The following RNF31 variants were observed in gnomAD, a reference collection of about 807,000 sequenced individuals.
The protein encoded by RNF31 is ring finger protein 31, also known as E3 ubiquitin-protein ligase RNF31.
RNF31 carries 38 observed loss-of-function variants against 133.6 expected under a neutral mutation model. The ratio of observed to expected loss-of-function variants is 0.28; its 90% confidence interval spans 0.22 to 0.37. The LOEUF is 0.37. Ranked by LOEUF, RNF31 falls within the 10% of genes least tolerant of loss-of-function variation. RNF31 has a pLI of 1.00. For missense variants in RNF31, 1,118 were observed against 1,394.1 expected, an observed-to-expected ratio of 0.80 and a Z score of 3.15; for synonymous variants, 582 against 552.3, an observed-to-expected ratio of 1.05 and a Z score of -0.75.
At chr14:24,153,125 T>TGA (rs892418273) in intron 11 of RNF31, among the ~76,000 whole-genome samples, 43 of 151,550 alleles carry the variant, frequency 2.8e-4, no homozygotes, top group Non-Finnish European at 5.3e-4. Flanking sequence ...TGTGTGTGTG[T>TGA]GACAGTGCTA....
rs769919004 is a variant in RNF31 at position 24,147,905 on chromosome 14, C to T, written c.192+15C>T. The stretch of plus-strand genomic sequence containing the variant: ...CTCATGGGGAGGTGAGGCCCGGCCC[C>T]GCTTGGAAGGGGGACACCAGGGCCT... On this transcript the variant is annotated intron_variant, in intron 1 of 20. Transcript: ENST00000324103. 30 of 1,612,466 alleles carry T rather than the reference C, an allele frequency of 1.9e-5. 1 individual carries two copies. The East Asian group carries it at 6.7e-4, about 36-fold the overall frequency.
chr14:24,159,840 G>T (rs1404757348), intron 18 of RNF31, 24 bp from the exon 19 acceptor site: 1 of 1,596,648 alleles, frequency 6.3e-7, no homozygotes, highest in South Asian at 1.1e-5. Context: ...CCCAACAGAG[G>T]CTCCCTTCTT....
chr14:24,159,928 G>A lies in RNF31; in HGVS notation c.2964G>A (p.Lys988=). The A allele has an allele frequency of 6.2e-7, 1 of 1,614,078 alleles. No individual in the cohort carries two copies. Residue 988 remains lysine, a synonymous_variant, in exon 19 of 21, where the codon AAG becomes AAA. Coordinates refer to ENST00000324103, the MANE Select transcript of RNF31 (RefSeq NM_017999.5). The part of the protein sequence containing the change: ...PNGLRDEACG[K]ETPAGYAGLC... ...GGCTCAGGGACGAAGCTTGTGGCAA[G>A]GAAACTCCAGCTGGCTATGCCGGCC...
In RNF31 at chr14:24,151,485, G is replaced by T; in HGVS notation, c.1738G>T (p.Val580Leu). Residue 580 changes from valine (V) to leucine (L), a missense_variant and splice_region_variant, in exon 10 of 21, where the codon GTG becomes TTG. Transcript: ENST00000324103. This position sits in a 1 kb window ranked among gnomAD's most constrained non-coding sequence, Gnocchi z 5.3. ...CCCCCTTGCCACTCCCATCTTGCAG[G>T]TGCAGGAGCTCCAGTCTCTAGGCTT... ...EECVRTRRRK[V>L]QELQSLGFGP... 1 of 1,614,094 alleles carries T rather than the reference G, an allele frequency of 6.2e-7. No individual in the cohort carries two copies. Among genetic ancestry groups the T allele is most frequent in the Non-Finnish European group, 8.5e-7 (1 of 1,179,942 alleles).
Position 24,155,585 on chromosome 14 carries a change from A to T in RNF31, c.2404-18A>T, listed in dbSNP as rs559175212. The stretch of plus-strand genomic sequence containing the variant: ...TCCAGGTCAGGCCTTTGATAACTTT[A>T]TGCTCTTGCACTTCCAGTGCTCCTT... On this transcript the variant is annotated intron_variant, in intron 13 of 20. Transcript: ENST00000324103. The surrounding 1 kb of genome is among the most constrained non-coding windows in gnomAD (Gnocchi z 4.9). The T allele has an allele frequency of 2.5e-6, 4 of 1,614,008 alleles. No homozygotes were observed. The South Asian group carries it at 4.4e-5, about 18-fold the overall frequency.
chr14:24,151,246 T>C lies in RNF31; in HGVS notation c.1604T>C (p.Val535Ala). ...RSELPYVLEMVAELAGQQDPG... is the reference protein window; with the variant it reads ...RSELPYVLEMAAELAGQQDPG... ...GAACTGCCCTACGTCCTGGAGATGGTGGCTGAGCTGGCTGGACAGCAGGAC... is the reference window on the plus strand; with the variant it reads ...GAACTGCCCTACGTCCTGGAGATGGCGGCTGAGCTGGCTGGACAGCAGGAC... The change falls in exon 9 of 21, where the codon GTG (valine) becomes GCG (alanine). Residue 535 changes from valine to alanine, a missense_variant. Around this residue, in one of 3 missense-constraint regions of RNF31, gnomAD observed 747 missense variants for 827.9 expected, o/e 0.90. Transcript: ENST00000324103. The surrounding 1 kb of genome is among the most constrained non-coding windows in gnomAD (Gnocchi z 5.3). 1 of 1,614,180 alleles carries C rather than the reference T, an allele frequency of 6.2e-7. No individual in the cohort carries two copies. The highest frequency in any genetic ancestry group is 8.5e-7 in the Non-Finnish European group (1 of 1,180,026).
rs758066109 is a variant in RNF31 at position 24,148,712 on chromosome 14, C to T, written c.555+11C>T. 3.7e-6 allele frequency: 6 copies of T among 1,613,946 alleles called. No homozygotes were observed. In the East Asian group the frequency reaches 1.1e-4, roughly 30 times the overall value. On this transcript the variant is annotated intron_variant, in intron 4 of 20. Transcript: ENST00000324103. ...AAGGTTGAAGATGATGTAAGGAAGG[C>T]AGGAAAGGGGCTGGTGTACAAAGGA...
intron 5 of RNF31, 138 bp downstream of exon 5, chr14:24,149,014 A>G (rs991705787): frequency 2.4e-6 from 2 of 844,570 alleles, no homozygotes; most frequent in African/African-American, 1.7e-5. Context: ...CCCAGGCTGG[A>G]GTGCAATGGT....
At chr14:24,154,525 G>T (rs2038314395) in intron 11 of RNF31, among the ~76,000 whole-genome samples, 1 of 152,172 alleles carries the variant, frequency 6.6e-6, no homozygotes, top group African/African-American at 2.4e-5. Context: ...TGATGCGCCC[G>T]CCTTGGCTTC....
chr14:24,150,527 C>G (rs1418807057), intron 7 of RNF31, 71 bp from the exon 8 acceptor site: 1 of 1,577,664 alleles, frequency 6.3e-7, no homozygotes, highest in Non-Finnish European at 8.6e-7. Flanking sequence ...TTCAGTTCCT[C>G]CCAACTCCCT....
At position 24,160,589 on chromosome 14, in the gene RNF31, C is replaced by T. The variant is rs1252328989; in HGVS notation, c.*16C>T. 2.0e-6 allele frequency: 3 copies of T among 1,514,772 alleles called. No individual in the cohort carries two copies. The highest frequency in any genetic ancestry group is 1.4e-5 in the African/African-American group (1 of 71,900). The allele number at this position is 1,514,772 out of a possible 1,614,324, so 93.8% of individuals were successfully genotyped here. Reference sequence around the variant, plus strand: ...GCGGAAGTAGCTGAGGGCAAGGGTCCCGATGAGGGTCCCATGGCCTGCTCC... The same window carrying T: ...GCGGAAGTAGCTGAGGGCAAGGGTCTCGATGAGGGTCCCATGGCCTGCTCC... On this transcript the variant is annotated 3_prime_UTR_variant, in exon 21 of 21. Coordinates refer to ENST00000324103, the MANE Select transcript of RNF31 (RefSeq NM_017999.5). This position sits in a 1 kb window ranked among gnomAD's most constrained non-coding sequence, Gnocchi z 4.0.
chr14:24,147,730 T>C lies in RNF31; in HGVS notation c.32T>C (p.Leu11Pro), dbSNP rs766166259. 2.6e-6 allele frequency: 4 copies of C among 1,550,504 alleles called. No homozygotes were observed. The South Asian group carries it at 3.5e-5, about 14-fold the overall frequency. The change falls in exon 1 of 21, where the codon CTG (leucine) becomes CCG (proline). Residue 11 changes from leucine to proline, a missense_variant. By Grantham distance (98) the Leu-to-Pro change is moderately conservative (BLOSUM62 -3). Around this residue, in one of 3 missense-constraint regions of RNF31, gnomAD observed 747 missense variants for 827.9 expected, o/e 0.90. Transcript: ENST00000324103. MPGEEEERAF[L>P]VAREELASAL... is the part of the protein sequence containing the mutation. Reference sequence around the variant, plus strand: ...GGGGAGGAAGAGGAGCGGGCCTTCCTGGTGGCCCGCGAGGAGCTGGCGAGC... The same window carrying C: ...GGGGAGGAAGAGGAGCGGGCCTTCCCGGTGGCCCGCGAGGAGCTGGCGAGC...
At position 24,151,117 on chromosome 14, in the gene RNF31, G is replaced by A. The variant is rs1273500597; in HGVS notation, c.1489-14G>A. 6.2e-7 allele frequency: 1 copy of A among 1,612,828 alleles called. No individual in the cohort carries two copies. Among genetic ancestry groups the A allele is most frequent in the African/African-American group, 1.3e-5 (1 of 75,046 alleles). On this transcript the variant is annotated splice_polypyrimidine_tract_variant and intron_variant, in intron 8 of 20. Coordinates refer to ENST00000324103, the MANE Select transcript of RNF31 (RefSeq NM_017999.5). This position sits in a 1 kb window ranked among gnomAD's most constrained non-coding sequence, Gnocchi z 5.3. ...TGAAGGGTGCCCCTCCTGATGGGCGGGACTGTGCCTTAGGAAGGGGAAGCC... is the reference window on the plus strand; with the variant it reads ...TGAAGGGTGCCCCTCCTGATGGGCGAGACTGTGCCTTAGGAAGGGGAAGCC...
intron 18 of RNF31, among the ~76,000 whole-genome samples, chr14:24,158,898 T>C (rs1225417803): frequency 6.6e-6 from 1 of 151,400 alleles, no homozygotes; most frequent in Non-Finnish European, 1.5e-5. Flanking sequence ...CCGGGCGTGG[T>C]GGCGGGCGCC....
At chr14:24,159,995 C>T in intron 19 of RNF31, 35 bp downstream of exon 19, 2 of 1,591,580 alleles carry the variant, frequency 1.3e-6, no homozygotes, top group Non-Finnish European at 1.7e-6. Flanking sequence ...TGGTGTTGGG[C>T]AGTGGGTAGA....
Position 24,160,308 on chromosome 14 carries a change from G to A in RNF31, c.3066G>A (p.Glu1022=), listed in dbSNP as rs369557334. 6.2e-7 allele frequency: 1 copy of A among 1,614,174 alleles called. No homozygotes were observed. The highest frequency in any genetic ancestry group is 1.3e-5 in the African/African-American group (1 of 75,042). The change falls in exon 20 of 21, where the codon GAG becomes GAA. Residue 1022 remains glutamate, a synonymous_variant. Coordinates refer to ENST00000324103, the MANE Select transcript of RNF31 (RefSeq NM_017999.5). The surrounding 1 kb of genome is among the most constrained non-coding windows in gnomAD (Gnocchi z 4.0). ...CGCTGGACCCAGCCACCTTGTATGA[G>A]GTGGAAGAGCTGGAGACGGCCACTG... ...AHSLDPATLY[E]VEELETATER...
At chr14:24,159,199 T>C (rs1013362633) in intron 18 of RNF31, among the ~76,000 whole-genome samples, 23 of 149,222 alleles carry the variant, frequency 1.5e-4, no homozygotes, top group Non-Finnish European at 3.0e-5. Context: ...ACAAAAAAAT[T>C]AGCAAGGTGT....
chr14:24,151,840 G>A lies in RNF31; in HGVS notation c.1978G>A (p.Glu660Lys). 1 of 1,614,052 alleles carries A rather than the reference G, an allele frequency of 6.2e-7. No individual in the cohort carries two copies. The change falls in exon 11 of 21, where the codon GAG becomes AAG. Residue 660 changes from glutamate to lysine, a missense_variant. Transcript: ENST00000324103. This position sits in a 1 kb window ranked among gnomAD's most constrained non-coding sequence, Gnocchi z 5.3. ...VYALPSWGRAELALSLLQETP... is the reference protein window; with the variant it reads ...VYALPSWGRAKLALSLLQETP... ...CGCACTCCCCAGCTGGGGCCGGGCA[G>A]AGCTGGCACTGTCACTGCTGCAGGA...
In RNF31 at chr14:24,155,277, G is replaced by A. The variant is rs2038325383; in HGVS notation, c.2251G>A (p.Asp751Asn). 1 of 1,613,898 alleles carries A rather than the reference G, an allele frequency of 6.2e-7. No individual in the cohort carries two copies. The highest frequency in any genetic ancestry group is 1.3e-5 in the African/African-American group (1 of 74,864). The change falls in exon 12 of 21, where the codon GAC (aspartate) becomes AAC (asparagine). Residue 751 changes from aspartate (D) to asparagine (N), a missense_variant. This residue lies in a region of RNF31 where 201 missense variants were observed against 371.7 expected (regional missense o/e 0.54). Transcript: ENST00000324103. The surrounding 1 kb of genome is among the most constrained non-coding windows in gnomAD (Gnocchi z 4.9). ...GGTGTGCCCTGCCTGTGGCCGCCCC[G>A]ACCTCACCGATGACACACAGTTGCT... ...DMVCPACGRPDLTDDTQLLSY... is the reference protein window; with the variant it reads ...DMVCPACGRPNLTDDTQLLSY...
Sources: allele counts gnomAD v4.1 joint callset (sites outside exome capture counted in the v4.1 genomes callset), GRCh38; gene constraint gnomAD v4.1.1; regional missense constraint gnomAD v4.1.1; non-coding constraint Gnocchi (gnomAD v3.1); transcripts MANE v1.5; gene names NCBI Gene and HGNC (gene_info 2026-07-23, HGNC 2026-07-21).